Variants in PTPRD observed in about 807,000 individuals in gnomAD.
The protein encoded by PTPRD is protein tyrosine phosphatase receptor type D.
Under a neutral mutation model 214.5 loss-of-function variants are expected in PTPRD, and 34 were observed. The ratio of observed to expected loss-of-function variants is 0.16; its 90% CI spans 0.12 to 0.21. PTPRD has a LOEUF of 0.21. Among genes scored for constraint, PTPRD ranks in the 10% least tolerant of loss-of-function variants. The pLI is 1.00. For synonymous variants in PTPRD, 1,128 were observed against 845.7 expected (o/e 1.33, Z -5.79); for missense variants, 2,545 against 2,398.7 (o/e 1.06, Z -1.27).
At chr9:10,574,534 G>GA (rs56654250) in intron 2 of PTPRD, among the ~76,000 whole-genome samples, 23,371 of 150,954 alleles carry the variant, frequency 0.15, 2,339 homozygotes, top group East Asian at 0.49. Flanking sequence ...AGAGAGAAAG[G>GA]AAAAAAAATA....
chr9:9,721,307 T>C (rs1484971511), intron 7 of PTPRD, among the ~76,000 whole-genome samples: 14 of 152,026 alleles, frequency 9.2e-5, no homozygotes, highest in Non-Finnish European at 4.4e-5. Flanking sequence ...AATAATAAAA[T>C]AGATCCCCTA....
intron 10 of PTPRD, among the ~76,000 whole-genome samples, chr9:9,062,979 A>G (rs1310712759): frequency 6.6e-6 from 1 of 152,204 alleles, no homozygotes; most frequent in African/African-American, 2.4e-5. Context: ...TGAGAAATGT[A>G]ATATCACAGT....
At chr9:9,558,208 TAC>T (rs1426515131) in intron 8 of PTPRD, among the ~76,000 whole-genome samples, 2 of 152,190 alleles carry the variant, frequency 1.3e-5, no homozygotes, top group Non-Finnish European at 2.9e-5. Flanking sequence ...AGCAAGCCTG[TAC>T]AGTGTTAGCA....
chr9:9,056,353 T>C (rs1339394823), intron 10 of PTPRD, among the ~76,000 whole-genome samples: 2 of 152,146 alleles, frequency 1.3e-5, no homozygotes, highest in Admixed American at 6.5e-5. Context: ...AAAGAAGCCA[T>C]AAAAAACATT....
intron 2 of PTPRD, among the ~76,000 whole-genome samples, chr9:10,491,981 G>A (rs1028005187): frequency 2.0e-5 from 3 of 152,102 alleles, no homozygotes; most frequent in African/African-American, 7.2e-5. Context: ...TTCTGTTCCT[G>A]TGTTAGTTTG....
intron 8 of PTPRD, among the ~76,000 whole-genome samples, chr9:9,402,655 A>G (rs2071143218): frequency 6.6e-6 from 1 of 152,108 alleles, no homozygotes; most frequent in African/African-American, 2.4e-5. Context: ...AGATAATGCA[A>G]TTCCAAACAT....
intron 9 of PTPRD, among the ~76,000 whole-genome samples, chr9:9,208,362 C>T (rs1156689531): frequency 6.6e-6 from 1 of 151,768 alleles, no homozygotes; most frequent in African/African-American, 2.4e-5. Flanking sequence ...AACCATAAAT[C>T]TGGTTTTTAA....
At chr9:10,158,198 G>C (rs1185909624) in intron 3 of PTPRD, among the ~76,000 whole-genome samples, 2 of 151,990 alleles carry the variant, frequency 1.3e-5, no homozygotes, top group African/African-American at 4.8e-5. Flanking sequence ...TAGTAGAGAT[G>C]GGGTTTCACC....
chr9:8,775,409 A>C (rs2154489295), intron 11 of PTPRD, among the ~76,000 whole-genome samples: 1 of 152,250 alleles, frequency 6.6e-6, no homozygotes, highest in African/African-American at 2.4e-5. Flanking sequence ...AGGATGGATA[A>C]CTTTGAACTC....
intron 2 of PTPRD, among the ~76,000 whole-genome samples, chr9:10,521,439 C>T (rs2052246337): frequency 6.6e-6 from 1 of 152,104 alleles, no homozygotes; most frequent in African/African-American, 2.4e-5. Context: ...ATGTAGCGAA[C>T]ATTTTTCAAA....
intron 5 of PTPRD, among the ~76,000 whole-genome samples, chr9:9,824,078 T>C (rs1019156040): frequency 1.3e-5 from 2 of 152,012 alleles, no homozygotes; most frequent in African/African-American, 4.8e-5. Context: ...AAAAATATTA[T>C]ATAAAATTAT....
Position 8,751,981 on chromosome 9 carries a change from G to C in PTPRD, c.-103-18035C>G, listed in dbSNP as rs142737489. ...AAGAATGGGACAAAAGCAACGTTGT[G>C]TGCGTCTGACCCTGAGCCTCAAGAA... On this transcript the variant is annotated intron_variant, in intron 11 of 45. Transcript: ENST00000381196. Among the ~76,000 whole-genome samples the C allele has an allele frequency of 7.9e-5, 12 of 152,254 alleles. 1 individual carries two copies. The highest frequency in any genetic ancestry group is 2.9e-4 in the African/African-American group (12 of 41,556).
At chr9:9,602,817 C>T (rs1215167854) in intron 7 of PTPRD, among the ~76,000 whole-genome samples, 2 of 152,012 alleles carry the variant, frequency 1.3e-5, no homozygotes, top group East Asian at 1.9e-4. Flanking sequence ...GCCTACGATG[C>T]CAGTCATAAC....
At chr9:8,594,196 T>C (rs1156435990) in intron 14 of PTPRD, among the ~76,000 whole-genome samples, 1 of 152,132 alleles carries the variant, frequency 6.6e-6, no homozygotes, top group East Asian at 1.9e-4. Flanking sequence ...CAATCCCCAC[T>C]CCATGACACT....
chr9:9,666,305 A>G (rs1036576697), intron 7 of PTPRD, among the ~76,000 whole-genome samples: 1 of 151,982 alleles, frequency 6.6e-6, no homozygotes, highest in African/African-American at 2.4e-5. Flanking sequence ...TTTTATTGAC[A>G]TGTAAAGATG....
chr9:8,559,823 C>G (rs186121335), intron 14 of PTPRD, among the ~76,000 whole-genome samples: 2 of 152,288 alleles, frequency 1.3e-5, no homozygotes, highest in East Asian at 1.9e-4. Context: ...AACACCATTT[C>G]GACTCTCAAA....
intron 5 of PTPRD, among the ~76,000 whole-genome samples, chr9:9,803,381 C>G (rs2099053728): frequency 6.6e-6 from 1 of 151,768 alleles, no homozygotes; most frequent in Non-Finnish European, 1.5e-5. Flanking sequence ...ATTGAAGAAA[C>G]TATTTTTTCA....
chr9:9,822,981 A>G (rs1289677030), intron 5 of PTPRD, among the ~76,000 whole-genome samples: 1 of 152,168 alleles, frequency 6.6e-6, no homozygotes, highest in East Asian at 1.9e-4. Context: ...TATCCAAAAG[A>G]AAGAAAATCA....
At chr9:10,075,443 T>A (rs2098117247) in intron 3 of PTPRD, among the ~76,000 whole-genome samples, 1 of 152,056 alleles carries the variant, frequency 6.6e-6, no homozygotes, top group Non-Finnish European at 1.5e-5. Flanking sequence ...CTCATCTTGT[T>A]ATTGATATAA....
Sources: gnomAD v4.1 joint callset for allele counts (sites outside exome capture counted in the v4.1 genomes callset) on GRCh38, gnomAD v4.1.1 for gene constraint, MANE v1.5 for transcripts, NCBI Gene and HGNC (gene_info 2026-07-23, HGNC 2026-07-21) for gene names.